Variants in IQSEC2 observed in about 807,000 individuals in gnomAD.
The protein encoded by IQSEC2 is IQ motif and SEC7 domain-containing protein 2.
IQSEC2 carries 6 observed loss-of-function variants against 74.6 expected under a neutral mutation model. The observed-to-expected ratio is 0.08, with a 90% CI of 0.04 to 0.16. The LOEUF is 0.16. IQSEC2 is among the 10% of genes least tolerant of loss of function. The probability of loss-of-function intolerance (pLI) is 1.00; values close to 1 mark genes in which losing one functional copy is unlikely to be tolerated. For missense variants in IQSEC2, 734 were observed against 1,306.2 expected, an observed-to-expected ratio of 0.56 and a Z score of 6.75; for synonymous variants, 494 against 544.5, an observed-to-expected ratio of 0.91 and a Z score of 1.29.
chrX:53,231,877 A>G (rs2074066312), downstream of IQSEC2: 1 of 111,903 alleles, frequency 8.9e-6, no homozygotes, highest in South Asian at 3.7e-4. Flanking sequence ...ACACCTTTAA[A>G]CATGCATACA....
chrX:53,279,797 G>A, intron 2 of IQSEC2: 1 of 478,314 alleles, frequency 2.1e-6, no homozygotes, highest in African/African-American at 2.4e-5. Context: ...TGGAGGATGG[G>A]AAATGGAAGA....
At chrX:53,254,484 C>T in intron 4 of IQSEC2, 46 bp downstream of exon 4, 2 of 1,155,119 alleles carry the variant, frequency 1.7e-6, no homozygotes, top group Middle Eastern at 2.5e-4. Context: ...CAGGAGTAGC[C>T]AGAACACGGG....
Position 53,251,111 on chromosome X carries a change from C to T in IQSEC2, c.1465G>A (p.Glu489Lys). The T allele has an allele frequency of 8.3e-7, 1 of 1,211,964 alleles. No homozygotes were observed. The highest frequency in any genetic ancestry group is 1.7e-5 in the African/African-American group (1 of 57,866). Residue 489 changes from glutamate (E) to lysine (K), a missense_variant, in exon 5 of 15, where the codon GAG (glutamate) becomes AAG (lysine). Glu to Lys is a moderately conservative substitution (Grantham distance 56). Coordinates refer to ENST00000642864, the MANE Select transcript of IQSEC2 (RefSeq NM_001111125.3). ...TCCAGCTGGGCTGACCCTGGCTCCT[C>T]AGACATGGGCCCTGACGGGTGGCAG... The part of the protein sequence containing the change: ...LNCHPSGPMS[E>K]EPGSAQLEKR...
At chrX:53,314,413 A>C (rs1329407019) in intron 1 of IQSEC2, among the ~76,000 whole-genome samples, 2 of 111,967 alleles carry the variant, frequency 1.8e-5, no homozygotes, top group African/African-American at 6.5e-5. Flanking sequence ...TCTCAGTCTA[A>C]CAGAGGGGAC....
chrX:53,302,747 G>A (rs2075222799), intron 1 of IQSEC2, among the ~76,000 whole-genome samples: 1 of 112,181 alleles, frequency 8.9e-6, no homozygotes, highest in Non-Finnish European at 1.9e-5. Context: ...AGACCAGCCT[G>A]GGGATCACAG....
In IQSEC2 at chrX:53,250,388, A is replaced by G. The variant is rs375000743; in HGVS notation, c.2188T>C (p.Cys730Arg). Residue 730 changes from cysteine to arginine, a missense_variant, in exon 5 of 15, where the codon TGC (cysteine) becomes CGC (arginine). By Grantham distance (180) the Cys-to-Arg change is radical. Transcript: ENST00000642864. Reference sequence around the variant, plus strand: ...GTCTCCCGCTGGTAAGTCTGCTTGCACAGGCCGGTAGCCGGAGGCTCCCTT... The same window carrying G: ...GTCTCCCGCTGGTAAGTCTGCTTGCGCAGGCCGGTAGCCGGAGGCTCCCTT... ...SLREPPATGL[C>R]KQTYQRETRH... 1.9e-5 allele frequency: 23 copies of G among 1,211,791 alleles called. No homozygotes were observed. Among genetic ancestry groups the G allele is most frequent in the Non-Finnish European group, 2.6e-5 (23 of 895,358 alleles).
intron 2 of IQSEC2, among the ~76,000 whole-genome samples, chrX:53,285,744 C>A (rs1056370211): frequency 8.9e-6 from 1 of 112,428 alleles, no homozygotes; most frequent in African/African-American, 3.2e-5. Flanking sequence ...AATAACAGCA[C>A]CTGCTGTGTG....
intron 2 of IQSEC2, among the ~76,000 whole-genome samples, chrX:53,265,565 A>G (rs1250411833): frequency 1.8e-5 from 2 of 111,636 alleles, no homozygotes; most frequent in African/African-American, 6.5e-5. Flanking sequence ...ACCAGAAGGT[A>G]AACTCAGATT....
intron 2 of IQSEC2, among the ~76,000 whole-genome samples, chrX:53,257,416 C>T (rs1556865563): frequency 2.7e-5 from 3 of 112,309 alleles, no homozygotes; most frequent in Non-Finnish European, 3.8e-5. Context: ...GGAGAGCTCC[C>T]ACCCATCGCT....
intron 1 of IQSEC2, among the ~76,000 whole-genome samples, chrX:53,317,165 G>A (rs1160036584): frequency 8.9e-6 from 1 of 112,134 alleles, no homozygotes; most frequent in Non-Finnish European, 1.9e-5. Flanking sequence ...GCTTGGGGGG[G>A]TATGTGGACA....
intron 1 of IQSEC2, among the ~76,000 whole-genome samples, chrX:53,299,867 C>A (rs1187183081): frequency 9.0e-6 from 1 of 111,729 alleles, no homozygotes; most frequent in Admixed American, 9.5e-5. Flanking sequence ...CCTCCCACCT[C>A]AGCCTCCTGA....
At chrX:53,294,800 TTTTA>T (rs782340907) in intron 1 of IQSEC2, among the ~76,000 whole-genome samples, 9 of 111,536 alleles carry the variant, frequency 8.1e-5, no homozygotes, top group Admixed American at 4.8e-4. Context: ...CCCCACAGCC[TTTTA>T]TTTATTTATT....
chrX:53,244,369 T>C (rs2074270704), intron 8 of IQSEC2, among the ~76,000 whole-genome samples: 1 of 109,476 alleles, frequency 9.1e-6, no homozygotes, highest in Non-Finnish European at 1.9e-5. Context: ...CTACAAAAAA[T>C]ACAAAAATTA....
chrX:53,279,507 A>G, intron 2 of IQSEC2: 1 of 736,221 alleles, frequency 1.4e-6, no homozygotes, highest in Non-Finnish European at 2.1e-6. Context: ...TGGCAATGAC[A>G]CTGTATATTT....
intron 1 of IQSEC2, among the ~76,000 whole-genome samples, chrX:53,293,562 T>G (rs1427443359): frequency 2.7e-5 from 3 of 112,028 alleles, no homozygotes. Context: ...GGGGCCTGAC[T>G]TCAATGACTC....
At chrX:53,287,585 G>C (rs1479615156) in intron 2 of IQSEC2, among the ~76,000 whole-genome samples, 1 of 113,131 alleles carries the variant, frequency 8.8e-6, no homozygotes, top group Non-Finnish European at 1.9e-5. Context: ...CATAAACACA[G>C]AGGTGCTGCC....
At chrX:53,270,035 T>C (rs1406637528) in intron 2 of IQSEC2, among the ~76,000 whole-genome samples, 7 of 110,796 alleles carry the variant, frequency 6.3e-5, no homozygotes, top group Admixed American at 3.8e-4. Context: ...ATTTCATAAC[T>C]TCAGGTGTAG....
chrX:53,281,474 G>A, intron 2 of IQSEC2: 1 of 975,749 alleles, frequency 1.0e-6, no homozygotes. Flanking sequence ...AGGGGGCCAG[G>A]CTGCGGGGCC....
chrX:53,236,442 C>T lies in IQSEC2; in HGVS notation c.3331G>A (p.Gly1111Arg). Residue 1111 changes from glycine (G) to arginine (R), a missense_variant, in exon 13 of 15, where the codon GGG (glycine) becomes AGG (arginine). Transcript: ENST00000642864. ...MMRPNASQPG[G>R]AKDSVNGTMA... The stretch of plus-strand genomic sequence containing the variant: ...GTCCCATTCACTGAGTCCTTGGCCC[C>T]TCCAGGCTGTGAGGCGTTAGGCCGC... 8.3e-7 allele frequency: 1 copy of T among 1,204,290 alleles called. No individual in the cohort carries two copies. Among genetic ancestry groups the T allele is most frequent in the Non-Finnish European group, 1.1e-6 (1 of 891,498 alleles).
Sources: allele counts gnomAD v4.1 joint callset (sites outside exome capture counted in the v4.1 genomes callset), GRCh38; gene constraint gnomAD v4.1.1; transcripts MANE v1.5; gene names NCBI Gene and HGNC (gene_info 2026-07-23, HGNC 2026-07-21).